The following RIMS1 variants were observed in gnomAD, a reference collection of about 807,000 sequenced individuals.
RIMS1 encodes the protein regulating synaptic membrane exocytosis 1, also known as regulating synaptic membrane exocytosis protein 1.
A neutral mutation model predicts 214.1 loss-of-function variants in RIMS1; 83 were observed. The ratio of observed to expected loss-of-function variants is 0.39; its 90% CI spans 0.32 to 0.47. The LOEUF is 0.47. Ranked by LOEUF, RIMS1 falls within the 20% of genes least tolerant of loss-of-function variation. The pLI is 0.99. For synonymous variants in RIMS1, 793 were observed against 786.8 expected (o/e 1.01, Z -0.13); for missense variants, 2,050 against 2,161.8 (o/e 0.95, Z 1.03).
At chr6:72,223,920 C>T (rs7771500) in intron 6 of RIMS1, among the ~76,000 whole-genome samples, 4,235 of 143,876 alleles carry the variant, frequency 0.029, 188 homozygotes, top group African/African-American at 0.1. Flanking sequence ...TGCACTCCAG[C>T]CTGGGTGACA....
intron 2 of RIMS1, among the ~76,000 whole-genome samples, chr6:72,014,515 T>G (rs1812043337): frequency 6.6e-6 from 1 of 152,248 alleles, no homozygotes; most frequent in Non-Finnish European, 1.5e-5. Context: ...CATCAGTTGT[T>G]GGACATTTGG....
chr6:72,282,936 T>C (rs559179692), intron 23 of RIMS1, among the ~76,000 whole-genome samples: 104 of 152,156 alleles, frequency 6.8e-4, no homozygotes, highest in Non-Finnish European at 1.2e-3. Context: ...GTGAACACAA[T>C]TTCTGGCGAA....
intron 29 of RIMS1, among the ~76,000 whole-genome samples, chr6:72,386,641 A>G (rs2098606797): frequency 6.6e-6 from 1 of 151,448 alleles, no homozygotes; most frequent in African/African-American, 2.4e-5. Context: ...AAACAAAATA[A>G]TTCCCGCTCT....
At chr6:72,218,567 G>T (rs546907537) in intron 6 of RIMS1, among the ~76,000 whole-genome samples, 1 of 152,150 alleles carries the variant, frequency 6.6e-6, no homozygotes, top group Non-Finnish European at 1.5e-5. Context: ...TTTTTAGTGA[G>T]GATGGAAGGA....
chr6:72,185,614 G>T (rs953163195), intron 6 of RIMS1, among the ~76,000 whole-genome samples: 4 of 152,286 alleles, frequency 2.6e-5, no homozygotes, highest in African/African-American at 7.2e-5. Flanking sequence ...CTGGTAGAGG[G>T]TTCCTGTTGT....
intron 16 of RIMS1, among the ~76,000 whole-genome samples, chr6:72,256,271 A>G (rs2075821094): frequency 6.6e-6 from 1 of 152,156 alleles, no homozygotes; most frequent in Middle Eastern, 3.2e-3. Flanking sequence ...GTTATATTCA[A>G]AATGACTTTG....
intron 25 of RIMS1, 99 bp from the exon 26 acceptor site, chr6:72,291,835 G>C (rs993560788): frequency 5.9e-6 from 5 of 853,860 alleles, no homozygotes; most frequent in Non-Finnish European, 9.8e-6. Context: ...CAGTGAGGGG[G>C]TTTATGTCTA....
chr6:71,985,924 G>A (rs921489440), intron 2 of RIMS1, among the ~76,000 whole-genome samples: 1 of 152,104 alleles, frequency 6.6e-6, no homozygotes, highest in African/African-American at 2.4e-5. Flanking sequence ...CCTAGGCAGG[G>A]TTAGTCTCTC....
chr6:72,145,250 A>G (rs2042586990), intron 4 of RIMS1, among the ~76,000 whole-genome samples: 5 of 152,160 alleles, frequency 3.3e-5, no homozygotes. Context: ...ACCTTCAAAT[A>G]CCTATGAATT....
At chr6:72,310,144 A>G (rs148368586) in intron 27 of RIMS1, among the ~76,000 whole-genome samples, 178 of 152,230 alleles carry the variant, frequency 1.2e-3, no homozygotes, top group African/African-American at 4.2e-3. Context: ...AATGAACATT[A>G]GTTGAAATTT....
chr6:72,011,133 A>G (rs1469115925), intron 2 of RIMS1, among the ~76,000 whole-genome samples: 4 of 152,218 alleles, frequency 2.6e-5, no homozygotes, highest in Admixed American at 1.3e-4. Context: ...AAACAGAGAT[A>G]TAGACCAATG....
intron 6 of RIMS1, among the ~76,000 whole-genome samples, chr6:72,211,029 A>C (rs996625798): frequency 6.6e-6 from 1 of 152,310 alleles, no homozygotes; most frequent in Admixed American, 6.5e-5. Context: ...GGTTTAGTCA[A>C]TGAAAACCTC....
intron 29 of RIMS1, among the ~76,000 whole-genome samples, chr6:72,387,953 A>G (rs1300345153): frequency 2.6e-5 from 4 of 152,176 alleles, no homozygotes; most frequent in Non-Finnish European, 4.4e-5. Context: ...GAATAAATAT[A>G]TACCTGTTTG....
intron 4 of RIMS1, among the ~76,000 whole-genome samples, chr6:72,158,462 G>C (rs2044757080): frequency 7.2e-6 from 1 of 138,968 alleles, no homozygotes; most frequent in Non-Finnish European, 1.6e-5. Context: ...ACAACGTGCA[G>C]GTTTGTTACA....
At chr6:72,130,053 T>C (rs75031862) in intron 4 of RIMS1, among the ~76,000 whole-genome samples, 3 of 152,162 alleles carry the variant, frequency 2.0e-5, no homozygotes, top group Non-Finnish European at 2.9e-5. Flanking sequence ...AATAAGTTGA[T>C]TTTAGTTAGA....
At chr6:72,246,976 T>A (rs987403913) in intron 11 of RIMS1, among the ~76,000 whole-genome samples, 65 of 152,276 alleles carry the variant, frequency 4.3e-4, no homozygotes, top group Non-Finnish European at 8.2e-4. Flanking sequence ...AGAATTAATT[T>A]GTACTTATAG....
chr6:71,957,666 T>C (rs989790852), intron 1 of RIMS1, among the ~76,000 whole-genome samples: 3 of 150,606 alleles, frequency 2.0e-5, no homozygotes, highest in Non-Finnish European at 2.9e-5. Flanking sequence ...ATATTAGTTA[T>C]ATGTGATAAT....
chr6:72,234,010 A>G (rs1285766925), intron 7 of RIMS1, among the ~76,000 whole-genome samples, 170 bp downstream of exon 7: 3 of 152,050 alleles, frequency 2.0e-5, no homozygotes, highest in Non-Finnish European at 4.4e-5. Context: ...GATAATTATA[A>G]CAAATTTTAA....
At chr6:72,274,271 C>G in intron 22 of RIMS1, 78 bp from the exon 23 acceptor site, 9 of 1,003,814 alleles carry the variant, frequency 9.0e-6, no homozygotes, top group Non-Finnish European at 1.4e-5. Context: ...TTTTCCAGTC[C>G]TCTTGTTCCA....
Sources: allele counts gnomAD v4.1 joint callset (sites outside exome capture counted in the v4.1 genomes callset), GRCh38; gene constraint gnomAD v4.1.1; transcripts MANE v1.5; gene names NCBI Gene and HGNC (gene_info 2026-07-23, HGNC 2026-07-21).